Variants in B3GALNT2 observed in about 807,000 individuals in gnomAD.
The protein encoded by B3GALNT2 is beta-1,3-N-acetylgalactosaminyltransferase 2.
A neutral mutation model predicts 61.1 loss-of-function variants in B3GALNT2; 53 were observed. The ratio of observed to expected loss-of-function variants is 0.87; its 90% CI spans 0.70 to 1.09. The LOEUF is 1.09. B3GALNT2 is among the 50% of genes least tolerant of loss of function. B3GALNT2 has a pLI of 0.00. For missense variants in B3GALNT2, 544 were observed against 623.0 expected, an observed-to-expected ratio of 0.87 and a Z score of 1.35; for synonymous variants, 223 against 237.4, an observed-to-expected ratio of 0.94 and a Z score of 0.56.
downstream of B3GALNT2, among the ~76,000 whole-genome samples, chr1:235,443,703 TCTC>T (rs1254742722): frequency 6.6e-6 from 1 of 152,126 alleles, no homozygotes; most frequent in Non-Finnish European, 1.5e-5. Context: ...ACATTCTACT[TCTC>T]CTGACTGATT....
At chr1:235,440,834 C>T in the B3GALNT2 span, 9 of 152,224 alleles carry the variant, frequency 5.9e-5, no homozygotes, top group African/African-American at 2.2e-4. Context: ...TCCTTAAATC[C>T]TCCAGCCTGG....
At position 235,484,185 on chromosome 1, in the gene B3GALNT2, A is replaced by G. The variant is rs556580906; in HGVS notation, c.555+137T>C. On this transcript the variant is annotated intron_variant, in intron 4 of 11. Coordinates refer to ENST00000366600, the MANE Select transcript of B3GALNT2 (RefSeq NM_152490.5). Reference sequence around the variant, plus strand: ...TATCACACTACAGTGTATTTAGTCAATAGGGGAAGAAAGGTGAAAGTCTCT... The same window carrying G: ...TATCACACTACAGTGTATTTAGTCAGTAGGGGAAGAAAGGTGAAAGTCTCT... 103 of 1,321,182 alleles carry G rather than the reference A, an allele frequency of 7.8e-5. 2 individuals carry two copies. The South Asian group carries it at 1.8e-3, about 23-fold the overall frequency. 81.8% of individuals were successfully genotyped at this position (1,321,182 alleles called of 1,614,324 possible).
At chr1:235,443,624 C>T (rs556959524), downstream of B3GALNT2, among the ~76,000 whole-genome samples, 8 of 152,324 alleles carry the variant, frequency 5.3e-5, no homozygotes, top group Middle Eastern at 3.4e-3. Context: ...GTCTGCTTCT[C>T]ATCCCTTCAT....
intron 2 of B3GALNT2, among the ~76,000 whole-genome samples, chr1:235,491,276 A>G (rs1462082685): frequency 6.6e-6 from 1 of 152,206 alleles, no homozygotes; most frequent in Non-Finnish European, 1.5e-5. Context: ...AACTGCAACC[A>G]TAAGTTGGTC....
At chr1:235,467,565 AC>A (rs1374031625) in intron 6 of B3GALNT2, among the ~76,000 whole-genome samples, 1 of 150,180 alleles carries the variant, frequency 6.7e-6, no homozygotes, top group Non-Finnish European at 1.5e-5. Flanking sequence ...GCTCACTGCA[AC>A]ATCTGCCTCG....
At chr1:235,496,426 T>TTG in intron 1 of B3GALNT2, 1 of 618,874 alleles carries the variant, frequency 1.6e-6, no homozygotes, top group Non-Finnish European at 2.1e-6. Context: ...TTTAAATAAA[T>TTG]TCAAATTTTC....
chr1:235,453,156 G>A lies in B3GALNT2; in HGVS notation c.1312-10C>T, dbSNP rs1253077773. 3 of 1,608,364 alleles carry A rather than the reference G, an allele frequency of 1.9e-6. No individual in the cohort carries two copies. The highest frequency in any genetic ancestry group is 3.3e-5 in the Admixed American group (2 of 59,940). On this transcript the variant is annotated splice_polypyrimidine_tract_variant and intron_variant, in intron 10 of 11. Transcript: ENST00000366600. ...TGCTTACATCTTCACCCTATACATGGCCCATAAAGTTTAAATGTAAAAATT... is the reference window on the plus strand; with the variant it reads ...TGCTTACATCTTCACCCTATACATGACCCATAAAGTTTAAATGTAAAAATT...
intron 5 of B3GALNT2, chr1:235,479,373 C>T (rs1283066861): frequency 6.6e-6 from 1 of 152,206 alleles, no homozygotes; most frequent in African/African-American, 2.4e-5. Context: ...GGAATGTACT[C>T]GGCCTAGACT....
Position 235,494,704 on chromosome 1 carries a change from T to C in B3GALNT2, c.237A>G (p.Leu79=), listed in dbSNP as rs1384702726. The change falls in exon 2 of 12, where the codon CTA becomes CTG. Residue 79 remains leucine (L), a synonymous_variant. Transcript: ENST00000366600. ...VIRSTWMRHL[L]QHPTLSQRVL... is the part of the protein sequence containing the mutation. ...ACCGTTGACTTAATGTGGGATGCTG[T>C]AGCAAATGTCTCATCCAGGTGCTTC... 1 of 1,613,214 alleles carries C rather than the reference T, an allele frequency of 6.2e-7. No individual in the cohort carries two copies. The highest frequency in any genetic ancestry group is 1.3e-5 in the African/African-American group (1 of 75,012).
chr1:235,466,826 T>C (rs1683717684), intron 6 of B3GALNT2, among the ~76,000 whole-genome samples: 1 of 152,214 alleles, frequency 6.6e-6, no homozygotes, highest in South Asian at 2.1e-4. Context: ...TAAACCACTA[T>C]GGTACATCTA....
intron 1 of B3GALNT2, among the ~76,000 whole-genome samples, chr1:235,499,973 G>C (rs1685512906): frequency 6.6e-6 from 1 of 152,190 alleles, no homozygotes; most frequent in South Asian, 2.1e-4. Context: ...CTTTGGGGAA[G>C]AGGGATTTTA....
At chr1:235,475,406 A>T (rs1214786512) in intron 5 of B3GALNT2, among the ~76,000 whole-genome samples, 2 of 152,128 alleles carry the variant, frequency 1.3e-5, no homozygotes, top group Non-Finnish European at 2.9e-5. Flanking sequence ...AAAACCTTAC[A>T]GGCGACCTGC....
Position 235,448,471 on chromosome 1 carries a change from G to C in B3GALNT2, c.*1735C>G. ...TTGCCCAGCAAAATACAAAGTCAAA[G>C]TCAAGCTTAGTCCTCGTATTATGAC... On this transcript the variant is annotated 3_prime_UTR_variant, in exon 12 of 12. Coordinates refer to ENST00000366600, the MANE Select transcript of B3GALNT2 (RefSeq NM_152490.5). The C allele has an allele frequency of 6.3e-7, 1 of 1,591,464 alleles. No individual in the cohort carries two copies. The highest frequency in any genetic ancestry group is 8.6e-7 in the Non-Finnish European group (1 of 1,159,558).
At chr1:235,443,672 G>T (rs191872823), downstream of B3GALNT2, among the ~76,000 whole-genome samples, 1 of 152,098 alleles carries the variant, frequency 6.6e-6, no homozygotes, top group Non-Finnish European at 1.5e-5. Flanking sequence ...AAATTCTTAC[G>T]GGAGGTTTGT....
downstream of B3GALNT2, among the ~76,000 whole-genome samples, chr1:235,443,214 T>A (rs943401836): frequency 6.6e-6 from 1 of 151,766 alleles, no homozygotes; most frequent in African/African-American, 2.4e-5. Context: ...ACACACAATT[T>A]TTTTTGAGAC....
At chr1:235,453,178 A>G (rs982802495) in intron 10 of B3GALNT2, 32 bp from the exon 11 acceptor site, 1 of 1,572,514 alleles carries the variant, frequency 6.4e-7, no homozygotes, top group African/African-American at 1.4e-5. Context: ...TAAATGTAAA[A>G]ATTTTAATGC....
rs1197282180 is a variant in B3GALNT2 at position 235,448,579 on chromosome 1, G to A, written c.*1627C>T. 2.9e-6 allele frequency: 4 copies of A among 1,377,980 alleles called. No individual in the cohort carries two copies. In the African/African-American group the frequency reaches 5.7e-5, roughly 20 times the overall value. The allele number at this position is 1,377,980 out of a possible 1,614,324, so 85.4% of individuals were successfully genotyped here. ...TGTTTGATTTTAAGGGTAAGCTACT[G>A]CCTGGGGACGGGGTGGGGGAAGAGT... On this transcript the variant is annotated 3_prime_UTR_variant, in exon 12 of 12. Transcript: ENST00000366600.
At position 235,465,632 on chromosome 1, in the gene B3GALNT2, T is replaced by C; in HGVS notation, c.841+4A>G. On this transcript the variant is annotated splice_donor_region_variant and intron_variant, in intron 7 of 11. Transcript: ENST00000366600. ...ACTTTTCAAGTTTCAACTAGCAAAC[T>C]TACCCTGAATAGTATATATAAAACC... The C allele has an allele frequency of 6.2e-7, 1 of 1,613,588 alleles. No individual in the cohort carries two copies. The highest frequency in any genetic ancestry group is 1.1e-5 in the South Asian group (1 of 91,008).
At chr1:235,469,108 C>T (rs1310275642) in intron 6 of B3GALNT2, among the ~76,000 whole-genome samples, 1 of 152,226 alleles carries the variant, frequency 6.6e-6, no homozygotes, top group Non-Finnish European at 1.5e-5. Context: ...TTCTTCCTCA[C>T]TGGACTGTAA....
Sources: allele counts gnomAD v4.1 joint callset (sites outside exome capture counted in the v4.1 genomes callset), GRCh38; gene constraint gnomAD v4.1.1; transcripts MANE v1.5; gene names NCBI Gene and HGNC (gene_info 2026-07-23, HGNC 2026-07-21).